The following PCDH7 variants were observed in gnomAD, a reference collection of about 807,000 sequenced individuals.
The protein encoded by PCDH7 is protocadherin 7, also known as protocadherin-7.
A neutral mutation model predicts 58.9 loss-of-function variants in PCDH7; 17 were observed. That is an observed-to-expected ratio of 0.29 (90% confidence interval 0.20 to 0.43). PCDH7 has a LOEUF of 0.43. PCDH7 is among the 20% of genes least tolerant of loss of function. The pLI, the probability that PCDH7 is intolerant of heterozygous loss-of-function variation, is 1.00. For synonymous variants in PCDH7, 664 were observed against 616.4 expected, an observed-to-expected ratio of 1.08 and a Z score of -1.14; for missense variants, 1,274 against 1,441.0, an observed-to-expected ratio of 0.88 and a Z score of 1.88.
chr4:30,963,672 T>C (rs541795677), intron 3 of PCDH7, among the ~76,000 whole-genome samples: 11 of 152,328 alleles, frequency 7.2e-5, no homozygotes, highest in Admixed American at 1.3e-4. Context: ...GTATAGGCTG[T>C]GCATTTTAGA....
At chr4:30,727,140 T>C (rs953157580) in intron 1 of PCDH7, among the ~76,000 whole-genome samples, 1 of 151,904 alleles carries the variant, frequency 6.6e-6, no homozygotes, top group African/African-American at 2.4e-5. Flanking sequence ...TACAGCAGGG[T>C]CTAATTTAAA....
intron 3 of PCDH7, among the ~76,000 whole-genome samples, chr4:31,134,548 AT>A (rs1253363103): frequency 2.6e-5 from 4 of 152,216 alleles, no homozygotes; most frequent in African/African-American, 9.6e-5. Flanking sequence ...TTTATTGCAC[AT>A]AGCATAATAT....
intron 1 of PCDH7, among the ~76,000 whole-genome samples, chr4:30,894,483 A>T (rs1186899704): frequency 9.1e-5 from 5 of 54,714 alleles, no homozygotes; most frequent in African/African-American, 2.1e-4. Context: ...AAAAAAAAAA[A>T]AAAAAAAATA....
chr4:30,729,114 GA>G (rs1049820635), intron 1 of PCDH7, among the ~76,000 whole-genome samples: 5 of 151,928 alleles, frequency 3.3e-5, no homozygotes, highest in African/African-American at 1.2e-4. Flanking sequence ...GGCCCAGCAT[GA>G]AACAGTGACT....
chr4:30,904,395 G>T (rs1740639281), intron 1 of PCDH7, among the ~76,000 whole-genome samples: 1 of 152,012 alleles, frequency 6.6e-6, no homozygotes, highest in Non-Finnish European at 1.5e-5. Flanking sequence ...TCCTCACAGT[G>T]CATCCCCTGA....
intron 3 of PCDH7, among the ~76,000 whole-genome samples, chr4:30,964,611 G>T (rs1294468995): frequency 1.5e-5 from 1 of 68,728 alleles, no homozygotes; most frequent in African/African-American, 5.9e-5. Context: ...GAGCACAAAT[G>T]GACTTTTTTT....
chr4:31,131,356 G>T (rs1718963055), intron 3 of PCDH7, among the ~76,000 whole-genome samples: 1 of 152,088 alleles, frequency 6.6e-6, no homozygotes, highest in Non-Finnish European at 1.5e-5. Context: ...AGTTTTGTTT[G>T]CTGGTCACCA....
chr4:30,841,897 G>A (rs1402458785), intron 1 of PCDH7, among the ~76,000 whole-genome samples: 1 of 152,108 alleles, frequency 6.6e-6, no homozygotes, highest in Non-Finnish European at 1.5e-5. Context: ...CATTGAGACA[G>A]ATAATCCTCT....
intron 3 of PCDH7, among the ~76,000 whole-genome samples, chr4:31,107,401 CAG>C (rs1715713582): frequency 6.6e-6 from 1 of 152,142 alleles, no homozygotes; most frequent in African/African-American, 2.4e-5. Context: ...TGTAGTTCAG[CAG>C]AGAGACCAAA....
chr4:30,949,738 T>G (rs1163931916), intron 2 of PCDH7, among the ~76,000 whole-genome samples: 3 of 152,124 alleles, frequency 2.0e-5, no homozygotes, highest in Admixed American at 6.6e-5. Flanking sequence ...ATGATAATCC[T>G]ACTGTATGTT....
At chr4:30,859,320 A>G (rs768223749) in intron 1 of PCDH7, among the ~76,000 whole-genome samples, 3 of 152,154 alleles carry the variant, frequency 2.0e-5, no homozygotes, top group Middle Eastern at 3.2e-3. Flanking sequence ...ACATCAGATT[A>G]GGTCAATAAT....
chr4:30,788,328 GTTC>G lies in PCDH7; in HGVS notation c.70+63737_70+63739del, dbSNP rs1426153625. Among the ~76,000 whole-genome samples the G allele has an allele frequency of 1.4e-4, 21 of 152,050 alleles. No homozygotes were observed. In the East Asian group the frequency reaches 3.7e-3, roughly 27 times the overall value. On this transcript the variant is annotated intron_variant, in intron 1 of 3. Transcript: ENST00000509759. ...CATGTGCCATAATAATTTTGAAACT[GTTC>G]TTCTCCGCTATTTGTACTCGTTTCT... is the stretch of plus-strand genomic sequence containing the variant.
intron 3 of PCDH7, among the ~76,000 whole-genome samples, chr4:30,975,027 G>C (rs1163071881): frequency 3.3e-5 from 5 of 152,128 alleles, no homozygotes; most frequent in Non-Finnish European, 5.9e-5. Flanking sequence ...GCTTGTAACT[G>C]TTTCCAACTG....
intron 3 of PCDH7, among the ~76,000 whole-genome samples, chr4:31,115,098 G>A (rs528578124): frequency 1.4e-4 from 21 of 151,910 alleles, no homozygotes; most frequent in Non-Finnish European, 2.9e-4. Flanking sequence ...CTCCACTTTC[G>A]CTTACTGAAA....
chr4:31,056,365 CAGGAAAGGAAGAAAGAAAGA>C (rs1164494640), intron 3 of PCDH7, among the ~76,000 whole-genome samples: 5 of 138,312 alleles, frequency 3.6e-5, no homozygotes, highest in Non-Finnish European at 7.7e-5. Flanking sequence ...GAGACCCTGA[CAGGAAAGGAAGAAAGAAAGA>C]AGGAAAGAAG....
At chr4:30,740,125 C>T (rs1716868896) in intron 1 of PCDH7, among the ~76,000 whole-genome samples, 1 of 152,162 alleles carries the variant, frequency 6.6e-6, no homozygotes, top group Non-Finnish European at 1.5e-5. Context: ...AGTGATAGAA[C>T]TGAAGTTTAG....
At chr4:30,827,817 T>G (rs1577960444) in intron 1 of PCDH7, among the ~76,000 whole-genome samples, 1 of 152,208 alleles carries the variant, frequency 6.6e-6, no homozygotes, top group Admixed American at 6.5e-5. Context: ...TCTGGAAAAC[T>G]TATTGGAAGA....
In PCDH7 at chr4:30,967,660, A is replaced by G. The variant is rs188743768; in HGVS notation, c.*7+17445A>G. ...TTCTTCTCTCGCTCCCATGAAATTT[A>G]TGTTACATTCAAACTAAGCATGTTG... On this transcript the variant is annotated intron_variant, in intron 3 of 3. Coordinates refer to the PCDH7 transcript ENST00000509759. 7.2e-5 allele frequency among the ~76,000 whole-genome samples: 11 copies of G among 152,260 alleles called. No individual in the cohort carries two copies. In the East Asian group the frequency reaches 1.9e-3, roughly 27 times the overall value.
At chr4:30,828,857 A>G (rs149654908) in intron 1 of PCDH7, among the ~76,000 whole-genome samples, 54 of 151,948 alleles carry the variant, frequency 3.6e-4, no homozygotes, top group African/African-American at 1.2e-3. Context: ...GTTGTTGTTA[A>G]ACCCATGATT....
Sources: allele counts gnomAD v4.1 joint callset (sites outside exome capture counted in the v4.1 genomes callset), GRCh38; gene constraint gnomAD v4.1.1; transcripts MANE v1.5; gene names NCBI Gene and HGNC (gene_info 2026-07-23, HGNC 2026-07-21).